FAM20A: variants seen among roughly 807,000 people sequenced by gnomAD.
FAM20A encodes pseudokinase FAM20A.
Under a neutral mutation model 52.0 loss-of-function variants are expected in FAM20A, and 42 were observed. The ratio of observed to expected loss-of-function variants is 0.81; its 90% CI spans 0.63 to 1.04. FAM20A has a LOEUF of 1.04. FAM20A is among the 50% of genes least tolerant of loss of function. The pLI, the probability that FAM20A is intolerant of heterozygous loss-of-function variation, is 0.00. For missense variants in FAM20A, 742 were observed against 712.7 expected, an observed-to-expected ratio of 1.04 and a Z score of -0.47; for synonymous variants, 304 against 298.9, an observed-to-expected ratio of 1.02 and a Z score of -0.18.
In FAM20A at chr17:68,536,463, C is replaced by G. The variant is rs1227707590; in HGVS notation, c.*1014G>C. 2.2e-6 allele frequency: 1 copy of G among 454,092 alleles called. No individual in the cohort carries two copies. The highest frequency in any genetic ancestry group is 2.3e-5 in the Admixed American group (1 of 42,576). 28.1% of individuals were successfully genotyped at this position (454,092 alleles called of 1,614,324 possible). On this transcript the variant is annotated 3_prime_UTR_variant, in exon 11 of 11. Coordinates refer to ENST00000592554, the MANE Select transcript of FAM20A (RefSeq NM_017565.4). The stretch of plus-strand genomic sequence containing the variant: ...AGAAGGTAGAGGAGACAAGGAATCC[C>G]TACTACACTTTCTTCTAAGGGAGGC...
intron 5 of FAM20A, 100 bp from the exon 6 acceptor site, chr17:68,542,909 A>C (rs1471442805): frequency 8.7e-6 from 8 of 918,952 alleles, no homozygotes; most frequent in East Asian, 7.3e-5. Context: ...TGGCTGGTGT[A>C]CCCAGGAGGG....
chr17:68,575,514 TTTATATA>T (rs1421743398), intron 1 of FAM20A, among the ~76,000 whole-genome samples: 2 of 111,386 alleles, frequency 1.8e-5, no homozygotes, highest in African/African-American at 3.6e-5. Flanking sequence ...TATTATATAT[TTTATATA>T]TTATATAATA....
chr17:68,569,134 C>A (rs949315323), intron 1 of FAM20A, among the ~76,000 whole-genome samples: 7 of 152,078 alleles, frequency 4.6e-5, no homozygotes, highest in African/African-American at 1.7e-4. Flanking sequence ...GCATCCACAC[C>A]CCCCAGCTTC....
chr17:68,575,857 T>A (rs2087753059), intron 1 of FAM20A, among the ~76,000 whole-genome samples: 2 of 133,544 alleles, frequency 1.5e-5, no homozygotes, highest in South Asian at 4.8e-4. Flanking sequence ...CAGTTACAGC[T>A]GCCACCGGGC....
chr17:68,535,317 C>G lies in FAM20A; in HGVS notation c.*2160G>C, dbSNP rs1203324063. The G allele has an allele frequency of 4.4e-6, 2 of 454,096 alleles. No individual in the cohort carries two copies. Among genetic ancestry groups the G allele is most frequent in the South Asian group, 3.1e-5 (2 of 64,472 alleles). 28.1% of individuals were successfully genotyped at this position (454,096 alleles called of 1,614,324 possible). On this transcript the variant is annotated 3_prime_UTR_variant, in exon 11 of 11. Coordinates refer to ENST00000592554, the MANE Select transcript of FAM20A (RefSeq NM_017565.4). ...GTGTACCACATATCATGGTGAAATT[C>G]AAGCCTATTGCTTTCTGTTTGTAGA...
intron 1 of FAM20A, chr17:68,591,923 C>T (rs1256352321): frequency 6.6e-6 from 1 of 152,202 alleles, no homozygotes; most frequent in Non-Finnish European, 1.5e-5. Flanking sequence ...CCGTTTTCCT[C>T]ACCCTTCTAT....
intron 1 of FAM20A, among the ~76,000 whole-genome samples, chr17:68,573,443 T>C (rs2087622433): frequency 8.4e-6 from 1 of 119,204 alleles, no homozygotes; most frequent in African/African-American, 3.2e-5. Flanking sequence ...TCTCTTTCTT[T>C]CTTTCTTTCT....
At chr17:68,578,155 A>G (rs1468504525) in intron 1 of FAM20A, among the ~76,000 whole-genome samples, 2 of 152,230 alleles carry the variant, frequency 1.3e-5, no homozygotes, top group African/African-American at 4.8e-5. Context: ...CAGGAGCTTT[A>G]AAAATCCACC....
chr17:68,558,748 T>C (rs1394335909), intron 1 of FAM20A, among the ~76,000 whole-genome samples: 3 of 152,042 alleles, frequency 2.0e-5, no homozygotes, highest in Admixed American at 6.5e-5. Context: ...CCCTCCCTCC[T>C]TTCTCTTTCC....
intron 1 of FAM20A, among the ~76,000 whole-genome samples, chr17:68,585,678 C>T (rs146821666): frequency 6.6e-6 from 1 of 152,300 alleles, no homozygotes; most frequent in Non-Finnish European, 1.5e-5. Context: ...AATGTGCCTG[C>T]TGCCCTTTCC....
chr17:68,600,588 G>C lies in FAM20A; in HGVS notation c.79C>G (p.Leu27Val). 4 of 1,563,050 alleles carry C rather than the reference G, an allele frequency of 2.6e-6. No individual in the cohort carries two copies. The highest frequency in any genetic ancestry group is 2.6e-6 in the Non-Finnish European group (3 of 1,155,676). ...AGCTGGCGCTGTACTTGGGGCCAGA[G>C]GTGGAAGTAGAGGTCGGCGGAGAGC... ...ALLSADLYFH[L>V]WPQVQRQLRP... The change falls in exon 1 of 11, where the codon CTC becomes GTC. Residue 27 changes from leucine to valine, a missense_variant. By Grantham distance (32) the Leu-to-Val change is conservative (BLOSUM62 1). Transcript: ENST00000592554. The surrounding 1 kb of genome is among the most constrained non-coding windows in gnomAD (Gnocchi z 6.2).
intron 1 of FAM20A, among the ~76,000 whole-genome samples, chr17:68,575,481 T>C (rs1398826856): frequency 8.5e-6 from 1 of 117,286 alleles, no homozygotes. Flanking sequence ...ATATTTTATA[T>C]ATTATATATT....
At chr17:68,575,791 T>TACACACACACAC (rs761949775) in intron 1 of FAM20A, among the ~76,000 whole-genome samples, 6,705 of 104,110 alleles carry the variant, frequency 0.064, 316 homozygotes, top group East Asian at 0.09. Context: ...TTTTATATTA[T>TACACACACACAC]ACACACACAC....
intron 1 of FAM20A, among the ~76,000 whole-genome samples, chr17:68,590,634 G>T (rs1042758165): frequency 9.9e-5 from 15 of 152,224 alleles, no homozygotes; most frequent in African/African-American, 3.6e-4. Flanking sequence ...GTGAATTTAT[G>T]ATTGAATTTG....
At chr17:68,568,408 C>T (rs1040105408) in intron 1 of FAM20A, among the ~76,000 whole-genome samples, 5 of 151,702 alleles carry the variant, frequency 3.3e-5, no homozygotes, top group African/African-American at 1.2e-4. Flanking sequence ...GTGGAGCTTG[C>T]AGTGAGCGGA....
intron 1 of FAM20A, among the ~76,000 whole-genome samples, chr17:68,594,964 TG>T (rs1485362003): frequency 6.6e-6 from 1 of 152,326 alleles, no homozygotes; most frequent in African/African-American, 2.4e-5. Context: ...ATATTAGCAG[TG>T]GGCTGAACAA....
At chr17:68,591,169 C>T (rs1337106768) in intron 1 of FAM20A, among the ~76,000 whole-genome samples, 1 of 152,002 alleles carries the variant, frequency 6.6e-6, no homozygotes, top group East Asian at 1.9e-4. Context: ...TGCAGTGGCG[C>T]GATCTCGGCT....
intron 1 of FAM20A, among the ~76,000 whole-genome samples, chr17:68,591,202 G>A (rs763466125): frequency 6.6e-6 from 1 of 152,190 alleles, no homozygotes; most frequent in Non-Finnish European, 1.5e-5. Flanking sequence ...CACCTCCTGG[G>A]TTCACGCCAT....
At chr17:68,586,088 T>G (rs1598076315) in intron 1 of FAM20A, among the ~76,000 whole-genome samples, 2 of 152,146 alleles carry the variant, frequency 1.3e-5, no homozygotes, top group Admixed American at 1.3e-4. Context: ...GGTGGGAAGG[T>G]TCTCATGGCA....
Sources: gnomAD v4.1 joint callset for allele counts (sites outside exome capture counted in the v4.1 genomes callset) on GRCh38, gnomAD v4.1.1 for gene constraint, Gnocchi (gnomAD v3.1) non-coding constraint, MANE v1.5 for transcripts, NCBI Gene and HGNC (gene_info 2026-07-23, HGNC 2026-07-21) for gene names.